The following AUTS2 variants were observed in gnomAD, a reference collection of about 807,000 sequenced individuals.
AUTS2 encodes the protein autism susceptibility gene 2 protein.
A neutral mutation model predicts 112.4 loss-of-function variants in AUTS2; 17 were observed. That is an observed-to-expected ratio of 0.15 (90% CI 0.10 to 0.23). The LOEUF (loss-of-function observed/expected upper bound fraction) is 0.23. Among genes scored for constraint, AUTS2 ranks in the 10% least tolerant of loss-of-function variants. AUTS2 has a pLI of 1.00. For synonymous variants in AUTS2, 751 were observed against 702.7 expected (o/e 1.07, Z -1.09); for missense variants, 1,510 against 1,701.6 (o/e 0.89, Z 1.98).
At chr7:70,518,706 T>TTTTG (rs568300078) in intron 5 of AUTS2, among the ~76,000 whole-genome samples, 81 of 151,074 alleles carry the variant, frequency 5.4e-4, no homozygotes, top group Non-Finnish European at 1.0e-3. Flanking sequence ...AAATGTGTCG[T>TTTTG]TTTGTTTGTT....
chr7:70,003,435 TTATATATGAATATATATAA>T (rs1229081198), intron 2 of AUTS2, among the ~76,000 whole-genome samples: 740 of 93,374 alleles, frequency 7.9e-3, no homozygotes, highest in Middle Eastern at 0.036. Context: ...TATGAATATG[TTATATATGAATATATATAA>T]TATATATGAA....
At chr7:70,756,564 G>C (rs1335948015) in intron 6 of AUTS2, among the ~76,000 whole-genome samples, 1 of 152,182 alleles carries the variant, frequency 6.6e-6, no homozygotes, top group East Asian at 1.9e-4. Context: ...GGAGAAATAA[G>C]TGGAAACCAA....
chr7:70,408,293 G>C (rs980479847), intron 4 of AUTS2, among the ~76,000 whole-genome samples: 3 of 152,144 alleles, frequency 2.0e-5, no homozygotes, highest in Admixed American at 2.0e-4. Flanking sequence ...AGTGATCGTA[G>C]GGTCAGCTCA....
chr7:69,879,018 G>T (rs1218198716), intron 1 of AUTS2, among the ~76,000 whole-genome samples: 3 of 152,136 alleles, frequency 2.0e-5, no homozygotes, highest in Admixed American at 6.5e-5. Context: ...GCAGACTGGG[G>T]CTTGTCCTTT....
intron 1 of AUTS2, among the ~76,000 whole-genome samples, chr7:69,727,809 C>T (rs1350640128): frequency 3.3e-5 from 5 of 151,930 alleles, no homozygotes; most frequent in East Asian, 3.9e-4. Context: ...TATTGTAGGC[C>T]CTTTTCTTTT....
intron 4 of AUTS2, among the ~76,000 whole-genome samples, chr7:70,277,394 A>G (rs1241806968): frequency 6.6e-6 from 1 of 152,220 alleles, no homozygotes; most frequent in African/African-American, 2.4e-5. Flanking sequence ...GAGTGTTAAT[A>G]CTGTCACAGA....
chr7:70,428,322 G>A (rs554872482), intron 4 of AUTS2, among the ~76,000 whole-genome samples: 19 of 152,196 alleles, frequency 1.2e-4, no homozygotes, highest in African/African-American at 3.4e-4. Flanking sequence ...ACAAAATGGC[G>A]GCCCATTTTT....
chr7:69,707,652 A>G (rs747289894), intron 1 of AUTS2, among the ~76,000 whole-genome samples: 2 of 152,186 alleles, frequency 1.3e-5, no homozygotes, highest in Non-Finnish European at 2.9e-5. Context: ...GATGCTAGGG[A>G]TATATTTGTG....
At chr7:70,133,984 A>T (rs1806411178) in intron 3 of AUTS2, among the ~76,000 whole-genome samples, 1 of 152,164 alleles carries the variant, frequency 6.6e-6, no homozygotes, top group African/African-American at 2.4e-5. Flanking sequence ...AATTACGTTT[A>T]CAAAATGTCT....
intron 4 of AUTS2, among the ~76,000 whole-genome samples, chr7:70,351,755 G>T (rs907941442): frequency 5.5e-5 from 8 of 146,452 alleles, no homozygotes; most frequent in Admixed American, 2.7e-4. Flanking sequence ...AGGCTGGCGT[G>T]CAGTGGTGTG....
intron 4 of AUTS2, among the ~76,000 whole-genome samples, chr7:70,249,287 A>G (rs890571244): frequency 2.0e-5 from 3 of 151,958 alleles, no homozygotes; most frequent in Admixed American, 6.6e-5. Context: ...TTAATTTTAA[A>G]TTACGTTTTA....
intron 2 of AUTS2, among the ~76,000 whole-genome samples, chr7:69,933,994 T>G (rs937055581): frequency 4.3e-4 from 66 of 152,380 alleles, no homozygotes; most frequent in African/African-American, 1.5e-3. Context: ...TGGTTTGTAC[T>G]GTTCTCGAAT....
At chr7:69,678,496 T>G (rs1225379547) in intron 1 of AUTS2, among the ~76,000 whole-genome samples, 1 of 152,204 alleles carries the variant, frequency 6.6e-6, no homozygotes, top group Non-Finnish European at 1.5e-5. Flanking sequence ...ATTTCTGTTG[T>G]GAGCGGAACA....
intron 2 of AUTS2, among the ~76,000 whole-genome samples, chr7:70,009,374 T>C (rs1256657304): frequency 2.6e-5 from 4 of 152,154 alleles, no homozygotes; most frequent in Non-Finnish European, 5.9e-5. Context: ...GGTTAAACCA[T>C]AGTAAGAGGG....
chr7:70,662,557 C>T (rs1585462597), intron 5 of AUTS2, among the ~76,000 whole-genome samples: 1 of 152,168 alleles, frequency 6.6e-6, no homozygotes, highest in African/African-American at 2.4e-5. Flanking sequence ...TCATGAATTA[C>T]TCCTCTGGCA....
In AUTS2 at chr7:70,282,008, A is replaced by G. The variant is rs148142139; in HGVS notation, c.660+147437A>G. On this transcript the variant is annotated intron_variant, in intron 4 of 18. Coordinates refer to ENST00000342771, the MANE Select transcript of AUTS2 (RefSeq NM_015570.4). ...TTGTTAGGATTTCAGATATGTAGAC[A>G]GAAAGTCAGATTAAGCTTTAATGAT... 1.5e-3 allele frequency among the ~76,000 whole-genome samples: 230 copies of G among 152,362 alleles called. 1 individual carries two copies. The East Asian group carries it at 0.016, about 11-fold the overall frequency.
chr7:69,612,025 C>T (rs1793066943), intron 1 of AUTS2, among the ~76,000 whole-genome samples: 1 of 149,734 alleles, frequency 6.7e-6, no homozygotes, highest in Non-Finnish European at 1.5e-5. Context: ...TCCAGTAAAA[C>T]TATCCTTTTA....
intron 5 of AUTS2, among the ~76,000 whole-genome samples, chr7:70,456,747 G>C (rs572190334): frequency 6.6e-5 from 10 of 152,336 alleles, no homozygotes; most frequent in African/African-American, 2.2e-4. Context: ...TCCATCCCCA[G>C]CCCTTCAATC....
intron 1 of AUTS2, among the ~76,000 whole-genome samples, chr7:69,703,110 G>A (rs1330446398): frequency 2.6e-5 from 4 of 151,790 alleles, no homozygotes; most frequent in African/African-American, 9.7e-5. Flanking sequence ...TAGTACAGGA[G>A]GCACAGAGAA....
Sources: gnomAD v4.1 joint callset for allele counts (sites outside exome capture counted in the v4.1 genomes callset) on GRCh38, gnomAD v4.1.1 for gene constraint, MANE v1.5 for transcripts, NCBI Gene and HGNC (gene_info 2026-07-23, HGNC 2026-07-21) for gene names.